Variants in ZYG11A observed in about 807,000 individuals in gnomAD.
ZYG11A encodes the protein zyg-11 family member A, cell cycle regulator, also known as protein zyg-11 homolog A.
A neutral mutation model predicts 77.2 loss-of-function variants in ZYG11A; 62 were observed. The ratio of observed to expected loss-of-function variants is 0.80; its 90% confidence interval spans 0.65 to 0.99. ZYG11A has a LOEUF of 0.99. ZYG11A is among the 50% of genes least tolerant of loss of function. The pLI is 0.00. For synonymous variants in ZYG11A, 315 were observed against 324.6 expected (o/e 0.97, Z 0.32); for missense variants, 828 against 896.8 (o/e 0.92, Z 0.98).
At chr1:52,882,106 T>C (rs1438282966) in intron 11 of ZYG11A, among the ~76,000 whole-genome samples, 10 of 152,204 alleles carry the variant, frequency 6.6e-5, no homozygotes, top group Non-Finnish European at 2.9e-5. Flanking sequence ...TTGGCCAGGC[T>C]GTTCTCAAAC....
At chr1:52,854,090 A>T (rs2149991643) in intron 1 of ZYG11A, among the ~76,000 whole-genome samples, 1 of 152,268 alleles carries the variant, frequency 6.6e-6, no homozygotes, top group East Asian at 1.9e-4. Context: ...TAAAGGATTT[A>T]TACTGTATTA....
At position 52,857,012 on chromosome 1, in the gene ZYG11A, A is replaced by G; in HGVS notation, c.271A>G (p.Arg91Gly). Residue 91 changes from arginine (R) to glycine (G), a missense_variant, in exon 3 of 14, where the codon AGA (arginine) becomes GGA (glycine). Arg to Gly is a moderately radical substitution (Grantham distance 125). Coordinates refer to ENST00000371528, the MANE Select transcript of ZYG11A (RefSeq NM_001004339.3). ...TTCTTTCATAGGCAAGCTGACTGAC[A>G]GAACAGCCAGCATTTTCCGAGGCAA... ...VMTWQGKLTD[R>G]TASIFRGNQM... 1 of 1,538,682 alleles carries G rather than the reference A, an allele frequency of 6.5e-7. No homozygotes were observed. The highest frequency in any genetic ancestry group is 1.2e-5 in the South Asian group (1 of 82,792).
chr1:52,887,529 G>A (rs1352545757), intron 13 of ZYG11A, among the ~76,000 whole-genome samples: 2 of 152,072 alleles, frequency 1.3e-5, no homozygotes, highest in Non-Finnish European at 2.9e-5. Flanking sequence ...GGGAGGCCAG[G>A]AGTCAGGGGT....
intron 10 of ZYG11A, among the ~76,000 whole-genome samples, chr1:52,878,295 G>A (rs1218438952): frequency 6.6e-6 from 1 of 152,130 alleles, no homozygotes; most frequent in Non-Finnish European, 1.5e-5. Flanking sequence ...TCATCTGGTG[G>A]CTTGACTGGG....
intron 1 of ZYG11A, among the ~76,000 whole-genome samples, chr1:52,843,688 CTT>C (rs71044427): frequency 3.1e-4 from 40 of 130,480 alleles, no homozygotes; most frequent in Admixed American, 5.5e-4. Context: ...TTCTTTCTTT[CTT>C]TTTTTTTTTT....
At chr1:52,868,209 G>A (rs904938155) in intron 8 of ZYG11A, among the ~76,000 whole-genome samples, 7 of 151,420 alleles carry the variant, frequency 4.6e-5, no homozygotes, top group South Asian at 4.2e-4. Flanking sequence ...CGTGATCTGC[G>A]TGCCTCGGCA....
rs940619307 is a variant in ZYG11A, at chr1:52,872,890, A to G, written c.1543-4792A>G. ...AGAGTGAGACTCTGTCTCAAAAAAA[A>G]AAAAAAAAAGAAAAGAAAAGAAAGA... On this transcript the variant is annotated intron_variant, in intron 8 of 13. Coordinates refer to ENST00000371528, the MANE Select transcript of ZYG11A (RefSeq NM_001004339.3). 3.5e-5 allele frequency among the ~76,000 whole-genome samples: 5 copies of G among 143,856 alleles called. 1 individual carries two copies. Among genetic ancestry groups the G allele is most frequent in the African/African-American group, 1.3e-4 (5 of 38,874 alleles). 94.4% of individuals were successfully genotyped at this position (143,856 alleles called of 152,430 possible). A position where few individuals can be genotyped will look rare whatever the true frequency, so the allele number is the denominator to read the frequency against.
intron 10 of ZYG11A, among the ~76,000 whole-genome samples, chr1:52,879,515 G>A (rs80057615): frequency 0.018 from 2,750 of 152,170 alleles, 58 homozygotes; most frequent in African/African-American, 0.048. Flanking sequence ...TGGAAGGTAC[G>A]GAAAAGTATA....
At chr1:52,867,823 A>G (rs1430160857) in intron 8 of ZYG11A, 46 bp downstream of exon 8, 1 of 1,459,336 alleles carries the variant, frequency 6.9e-7, no homozygotes, top group Non-Finnish European at 9.3e-7. Flanking sequence ...AAAAAGTCAA[A>G]TTTATGATTA....
chr1:52,867,816 AAG>A, intron 8 of ZYG11A, 39 bp downstream of exon 8: 1 of 1,512,256 alleles, frequency 6.6e-7, no homozygotes, highest in Non-Finnish European at 8.9e-7. Context: ...TTTTTAAAAA[AAG>A]TCAAATTTAT....
intron 4 of ZYG11A, among the ~76,000 whole-genome samples, chr1:52,862,086 G>A (rs932143581): frequency 1.3e-5 from 2 of 151,110 alleles, no homozygotes; most frequent in Admixed American, 1.3e-4. Flanking sequence ...GCAGGTGCCT[G>A]TAATCCCAGC....
intron 8 of ZYG11A, among the ~76,000 whole-genome samples, chr1:52,870,545 C>T (rs576304498): frequency 4.6e-5 from 7 of 152,292 alleles, no homozygotes; most frequent in South Asian, 2.1e-4. Context: ...GCCGAGATCA[C>T]GCCACTGCAC....
intron 1 of ZYG11A, among the ~76,000 whole-genome samples, chr1:52,843,520 A>G (rs1169882959): frequency 6.6e-6 from 1 of 152,134 alleles, no homozygotes; most frequent in Non-Finnish European, 1.5e-5. Context: ...GGGGAACTGG[A>G]ACCCGAAGTC....
rs1275854607 is a variant in ZYG11A, at chr1:52,877,664, T to C, written c.1543-18T>C. Reference sequence around the variant, plus strand: ...TCATTAGAGCATCTAACTCCCTCCCTGTCTCTTTGGTTTTTAGGAACTTCT... The same window carrying C: ...TCATTAGAGCATCTAACTCCCTCCCCGTCTCTTTGGTTTTTAGGAACTTCT... On this transcript the variant is annotated intron_variant, in intron 8 of 13. Transcript: ENST00000371528. 6.5e-7 allele frequency: 1 copy of C among 1,541,486 alleles called. No individual in the cohort carries two copies. The highest frequency in any genetic ancestry group is 1.2e-5 in the South Asian group (1 of 82,022).
chr1:52,860,622 T>G, intron 3 of ZYG11A, 109 bp from the exon 4 acceptor site: 4 of 1,187,654 alleles, frequency 3.4e-6, no homozygotes, highest in Non-Finnish European at 4.7e-6. Context: ...TAATTGAACA[T>G]TTGTTGTTAT....
chr1:52,885,369 T>C (rs968377236), intron 11 of ZYG11A, among the ~76,000 whole-genome samples: 2 of 146,038 alleles, frequency 1.4e-5, no homozygotes, highest in African/African-American at 5.4e-5. Context: ...GCCCGGCTAA[T>C]TTTTTTTTGT....
chr1:52,870,248 C>T (rs551710559), intron 8 of ZYG11A, among the ~76,000 whole-genome samples: 2 of 143,458 alleles, frequency 1.4e-5, no homozygotes, highest in Admixed American at 1.4e-4. Flanking sequence ...AGAGACGCTC[C>T]TCACTTTCCA....
intron 13 of ZYG11A, among the ~76,000 whole-genome samples, chr1:52,891,481 T>C (rs990662411): frequency 2.6e-5 from 4 of 151,968 alleles, no homozygotes; most frequent in Non-Finnish European, 4.4e-5. Flanking sequence ...TGTGAAGTGC[T>C]CCAGAGGTTT....
chr1:52,864,488 T>C (rs942821872), intron 5 of ZYG11A, among the ~76,000 whole-genome samples: 6 of 152,056 alleles, frequency 3.9e-5, no homozygotes, highest in East Asian at 1.9e-4. Context: ...TCATGAGCCA[T>C]GGCATACGGC....
Sources: gnomAD v4.1 joint callset for allele counts (sites outside exome capture counted in the v4.1 genomes callset) on GRCh38, gnomAD v4.1.1 for gene constraint, MANE v1.5 for transcripts, NCBI Gene and HGNC (gene_info 2026-07-23, HGNC 2026-07-21) for gene names.